COPG2: variants seen among roughly 807,000 people sequenced by gnomAD.
COPG2 encodes coatomer subunit gamma-2.
A neutral mutation model predicts 46.3 loss-of-function variants in COPG2; 37 were observed. That is an observed-to-expected ratio of 0.80 (90% CI 0.61 to 1.05). COPG2 has a LOEUF of 1.05. Ranked by LOEUF, COPG2 falls within the 50% of genes least tolerant of loss-of-function variation. COPG2 has a pLI of 0.00. For synonymous variants in COPG2, 159 were observed against 129.7 expected, an observed-to-expected ratio of 1.23 and a Z score of -1.53; for missense variants, 427 against 387.8, an observed-to-expected ratio of 1.10 and a Z score of -0.85.
intron 5 of COPG2, among the ~76,000 whole-genome samples, chr7:130,642,483 C>T (rs781878551): frequency 3.9e-5 from 6 of 152,108 alleles, no homozygotes; most frequent in African/African-American, 4.8e-5. Flanking sequence ...GGAGTTTATA[C>T]GAAGAGAATC....
At chr7:130,545,731 G>A (rs1640261567) in intron 20 of COPG2, among the ~76,000 whole-genome samples, 1 of 151,958 alleles carries the variant, frequency 6.6e-6, no homozygotes, top group Non-Finnish European at 1.5e-5. Flanking sequence ...AAACCATCAA[G>A]CAAAAGAGTC....
intron 9 of COPG2, among the ~76,000 whole-genome samples, chr7:130,593,866 T>C (rs1303254512): frequency 1.3e-5 from 2 of 152,118 alleles, no homozygotes; most frequent in Non-Finnish European, 2.9e-5. Flanking sequence ...ATTTGTGAAT[T>C]TGGGGTAAGA....
chr7:130,637,303 T>C (rs1021882834), intron 5 of COPG2, among the ~76,000 whole-genome samples: 8 of 152,336 alleles, frequency 5.3e-5, no homozygotes, highest in Non-Finnish European at 1.0e-4. Flanking sequence ...TTCTGGATAA[T>C]ATCCTGAAGA....
rs535937852 is a variant in COPG2, at chr7:130,588,703, A to G, written c.737+22250T>C. ...GGAGATATATCTAATGCTAAATGAC[A>G]AGTTAATGGGTGCAGCACACCAGCA... On this transcript the variant is annotated intron_variant, in intron 9 of 23. Transcript: ENST00000425248. 2.0e-3 allele frequency among the ~76,000 whole-genome samples: 306 copies of G among 152,218 alleles called. 2 individuals are homozygous for G. Among genetic ancestry groups the G allele is most frequent in the African/African-American group, 6.7e-3 (277 of 41,510 alleles).
At chr7:130,517,806 A>G (rs1799691618) in intron 20 of COPG2, among the ~76,000 whole-genome samples, 1 of 152,234 alleles carries the variant, frequency 6.6e-6, no homozygotes, top group Admixed American at 6.5e-5. Context: ...GCACTGTGTT[A>G]ATTAGAGCAG....
At chr7:130,623,795 G>A (rs1296292496) in intron 5 of COPG2, among the ~76,000 whole-genome samples, 1 of 151,806 alleles carries the variant, frequency 6.6e-6, no homozygotes, top group Non-Finnish European at 1.5e-5. Flanking sequence ...GGACAGCCTG[G>A]GCAACATAAT....
At chr7:130,648,545 A>G (rs1795665527) in intron 5 of COPG2, among the ~76,000 whole-genome samples, 1 of 152,184 alleles carries the variant, frequency 6.6e-6, no homozygotes, top group Admixed American at 6.5e-5. Context: ...ATTCCTCTCC[A>G]TCTTCGGACC....
chr7:130,604,374 ATT>A (rs1339489134), intron 9 of COPG2, among the ~76,000 whole-genome samples: 1 of 152,226 alleles, frequency 6.6e-6, no homozygotes, highest in Non-Finnish European at 1.5e-5. Context: ...ATACTTTAAT[ATT>A]GTGTAATTTT....
At chr7:130,651,547 T>G (rs1758247744) in intron 5 of COPG2, among the ~76,000 whole-genome samples, 2 of 112,256 alleles carry the variant, frequency 1.8e-5, no homozygotes, top group Non-Finnish European at 3.3e-5. Context: ...TCTCGCTCTG[T>G]CCCCCAGGTC....
chr7:130,564,766 C>T (rs1793775989), intron 9 of COPG2, among the ~76,000 whole-genome samples: 1 of 152,150 alleles, frequency 6.6e-6, no homozygotes, highest in South Asian at 2.1e-4. Context: ...CTGTGAATGC[C>T]AGCAGCCTAG....
At chr7:130,522,576 C>T (rs1050012407) in intron 20 of COPG2, among the ~76,000 whole-genome samples, 3 of 151,466 alleles carry the variant, frequency 2.0e-5, no homozygotes, top group Non-Finnish European at 4.4e-5. Flanking sequence ...TTTCAAGAGT[C>T]GGAGGGCGAG....
chr7:130,522,850 T>C (rs1467077309), intron 20 of COPG2, among the ~76,000 whole-genome samples: 1 of 151,454 alleles, frequency 6.6e-6, no homozygotes, highest in Non-Finnish European at 1.5e-5. Flanking sequence ...CAACAGTAAA[T>C]GCAAGCACAA....
chr7:130,598,944 T>C (rs1407301028), intron 9 of COPG2, among the ~76,000 whole-genome samples: 2 of 152,192 alleles, frequency 1.3e-5, no homozygotes, highest in African/African-American at 2.4e-5. Context: ...TGTAAAGTTA[T>C]GTCTTCTAGG....
intron 10 of COPG2, among the ~76,000 whole-genome samples, chr7:130,563,865 C>G (rs1793760106): frequency 6.7e-6 from 1 of 149,908 alleles, no homozygotes; most frequent in Non-Finnish European, 1.5e-5. Flanking sequence ...TTAGAATACC[C>G]ATTAATACCT....
chr7:130,514,231 T>C (rs782054422), intron 20 of COPG2, among the ~76,000 whole-genome samples: 1 of 152,230 alleles, frequency 6.6e-6, no homozygotes, highest in Non-Finnish European at 1.5e-5. Flanking sequence ...TGAGCCCTAA[T>C]AGGGCAGCAC....
chr7:130,602,276 A>G (rs1794650873), intron 9 of COPG2, among the ~76,000 whole-genome samples: 1 of 152,098 alleles, frequency 6.6e-6, no homozygotes. Context: ...TCAATTTTCA[A>G]TCAACTTTTC....
At chr7:130,565,590 T>A (rs1793789699) in intron 9 of COPG2, among the ~76,000 whole-genome samples, 2 of 152,230 alleles carry the variant, frequency 1.3e-5, no homozygotes, top group Non-Finnish European at 2.9e-5. Context: ...TAGAATTTAT[T>A]CCTGAGGAAG....
intron 9 of COPG2, among the ~76,000 whole-genome samples, chr7:130,578,032 AC>A (rs1267578994): frequency 1.3e-5 from 2 of 152,222 alleles, no homozygotes; most frequent in African/African-American, 4.8e-5. Flanking sequence ...TGTAGGCTCC[AC>A]CTCTGGGGGC....
intron 9 of COPG2, among the ~76,000 whole-genome samples, chr7:130,594,118 G>A (rs1408512764): frequency 6.6e-6 from 1 of 152,092 alleles, no homozygotes; most frequent in African/African-American, 2.4e-5. Flanking sequence ...TAAAAACTGG[G>A]TAAAACTCAA....
Sources: allele counts gnomAD v4.1 joint callset (sites outside exome capture counted in the v4.1 genomes callset), GRCh38; gene constraint gnomAD v4.1.1; transcripts MANE v1.5; gene names NCBI Gene and HGNC (gene_info 2026-07-23, HGNC 2026-07-21).